Variants in ZFHX4 observed in about 807,000 individuals in gnomAD.
ZFHX4 encodes the protein zinc finger homeobox protein 4.
A neutral mutation model predicts 267.6 loss-of-function variants in ZFHX4; 56 were observed. That is an observed-to-expected ratio of 0.21 (90% CI 0.17 to 0.26). ZFHX4 has a LOEUF of 0.26. ZFHX4 is among the 10% of genes least tolerant of loss of function. ZFHX4 has a pLI of 1.00. For synonymous variants in ZFHX4, 1,778 were observed against 1,665.6 expected (o/e 1.07, Z -1.64); for missense variants, 4,332 against 4,420.0 (o/e 0.98, Z 0.56).
Position 76,864,281 on chromosome 8 carries a change from A to G in ZFHX4, c.10567A>G (p.Met3523Val), listed in dbSNP as rs761284690. Residue 3523 changes from methionine to valine, a missense_variant, in exon 11 of 11, where the codon ATG becomes GTG. Met to Val is a conservative substitution (Grantham distance 21). Coordinates refer to ENST00000651372, the MANE Select transcript of ZFHX4 (RefSeq NM_024721.5). ...NTYPHLSCFS[M>V]KSWPNILFQA... is the part of the protein sequence containing the mutation. ...CTATCCTCATCTTTCTTGCTTCTCC[A>G]TGAAGTCCTGGCCTAATATCCTTTT... 7 of 1,613,876 alleles carry G rather than the reference A, an allele frequency of 4.3e-6. No individual in the cohort carries two copies. Among genetic ancestry groups the G allele is most frequent in the South Asian group, 2.2e-5 (2 of 91,082 alleles).
intron 5 of ZFHX4, among the ~76,000 whole-genome samples, 167 bp from the exon 6 acceptor site, chr8:76,842,488 T>C (rs1294927278): frequency 6.6e-6 from 1 of 152,210 alleles, no homozygotes; most frequent in Non-Finnish European, 1.5e-5. Context: ...ATTGGTACAG[T>C]CAGCATGATC....
At chr8:76,745,976 T>TA (rs1198379572) in intron 3 of ZFHX4, among the ~76,000 whole-genome samples, 1 of 152,240 alleles carries the variant, frequency 6.6e-6, no homozygotes, top group African/African-American at 2.4e-5. Flanking sequence ...ACAGCATTGC[T>TA]AGTGTACAGG....
chr8:76,719,590 A>G (rs1281601415), intron 3 of ZFHX4, among the ~76,000 whole-genome samples: 2 of 152,126 alleles, frequency 1.3e-5, no homozygotes, highest in Non-Finnish European at 2.9e-5. Flanking sequence ...TTTAGTACTA[A>G]GTATTTTTAA....
At chr8:76,763,909 C>A (rs779491654) in intron 3 of ZFHX4, among the ~76,000 whole-genome samples, 1 of 152,108 alleles carries the variant, frequency 6.6e-6, no homozygotes, top group Non-Finnish European at 1.5e-5. Flanking sequence ...AGATATACAT[C>A]ATTGGATATG....
At position 76,704,347 on chromosome 8, in the gene ZFHX4, ACTT is replaced by A; in HGVS notation, c.263_265del (p.Ser88del). 4.3e-6 allele frequency: 7 copies of A among 1,614,000 alleles called. No homozygotes were observed. Among genetic ancestry groups the A allele is most frequent in the Non-Finnish European group, 5.1e-6 (6 of 1,179,896 alleles). ...GGAGATACCCTGCAACGAATGTGCC[ACTT>A]CTTTTCCCAGTTTACAGAAATACAT... On this transcript the variant is annotated inframe_deletion, in exon 2 of 11. Transcript: ENST00000651372.
At chr8:76,807,576 C>T (rs1230330256) in intron 4 of ZFHX4, among the ~76,000 whole-genome samples, 2 of 152,036 alleles carry the variant, frequency 1.3e-5, no homozygotes, top group Admixed American at 1.3e-4. Flanking sequence ...GTAGTATAGG[C>T]TGGGGACATT....
rs541303834 is a variant in ZFHX4 at position 76,816,842 on chromosome 8, C to T, written c.3326-16496C>T. 1.1e-4 allele frequency among the ~76,000 whole-genome samples: 17 copies of T among 152,026 alleles called. No individual in the cohort carries two copies. In the East Asian group the frequency reaches 1.7e-3, roughly 16 times the overall value. ...AACTCCTGACCTCAGGTGATCTGCC[C>T]GCCTTGGCCTCTCAAAATGCTGGGA... is the stretch of plus-strand genomic sequence containing the variant. On this transcript the variant is annotated intron_variant, in intron 4 of 10. Coordinates refer to ENST00000651372, the MANE Select transcript of ZFHX4 (RefSeq NM_024721.5).
At chr8:76,686,687 G>A (rs1807700603) in intron 1 of ZFHX4, among the ~76,000 whole-genome samples, 1 of 152,136 alleles carries the variant, frequency 6.6e-6, no homozygotes. Flanking sequence ...CAATGTCAAT[G>A]AGAACAAATT....
intron 3 of ZFHX4, among the ~76,000 whole-genome samples, chr8:76,741,531 C>T (rs986313838): frequency 2.0e-5 from 3 of 152,266 alleles, no homozygotes; most frequent in Admixed American, 1.3e-4. Context: ...ACTAAGACAA[C>T]TAGAATGAGT....
intron 1 of ZFHX4, among the ~76,000 whole-genome samples, chr8:76,689,189 G>A (rs1008773268): frequency 6.6e-6 from 1 of 152,060 alleles, no homozygotes; most frequent in South Asian, 2.1e-4. Flanking sequence ...TTTACATGCA[G>A]AAGGGCTTAT....
intron 4 of ZFHX4, among the ~76,000 whole-genome samples, chr8:76,824,907 G>T (rs1811745370): frequency 1.3e-5 from 2 of 152,070 alleles, no homozygotes; most frequent in African/African-American, 4.8e-5. Flanking sequence ...TTTACAAATT[G>T]ATACACATAC....
intron 3 of ZFHX4, among the ~76,000 whole-genome samples, chr8:76,747,863 C>T (rs1380191743): frequency 4.6e-5 from 7 of 151,980 alleles, no homozygotes; most frequent in African/African-American, 1.2e-4. Context: ...ACCTGGGAGG[C>T]GGAGGTTGCA....
At chr8:76,813,014 C>G (rs903933484) in intron 4 of ZFHX4, among the ~76,000 whole-genome samples, 2 of 152,044 alleles carry the variant, frequency 1.3e-5, no homozygotes, top group Non-Finnish European at 2.9e-5. Context: ...ATTTAAAAGC[C>G]TCAATTTTTA....
chr8:76,825,483 C>G (rs1309366503), intron 4 of ZFHX4, among the ~76,000 whole-genome samples: 1 of 152,234 alleles, frequency 6.6e-6, no homozygotes, highest in African/African-American at 2.4e-5. Context: ...CTTCTTTGAA[C>G]AACGTAGGTT....
chr8:76,692,912 G>A (rs551261017), intron 1 of ZFHX4, among the ~76,000 whole-genome samples: 1 of 152,124 alleles, frequency 6.6e-6, no homozygotes, highest in South Asian at 2.1e-4. Flanking sequence ...CCTATGTTCT[G>A]GTCATTTATA....
chr8:76,760,169 G>A (rs1809872237), intron 3 of ZFHX4, among the ~76,000 whole-genome samples: 1 of 151,836 alleles, frequency 6.6e-6, no homozygotes, highest in South Asian at 2.1e-4. Context: ...TTTCTCCTAA[G>A]ACCTTTTCTT....
Position 76,705,579 on chromosome 8 carries a change from C to T in ZFHX4, c.1491C>T (p.Asn497=). 5 of 1,613,646 alleles carry T rather than the reference C, an allele frequency of 3.1e-6. No homozygotes were observed. The highest frequency in any genetic ancestry group is 4.2e-6 in the Non-Finnish European group (5 of 1,179,738). The change falls in exon 2 of 11, where the codon AAC becomes AAT. Residue 497 remains asparagine (N), a synonymous_variant. Transcript: ENST00000651372. ...GTGAACTCACCGATAGTATTGGTAA[C>T]AAAGATTTCCCTCTCTTAAACCAAA... is the stretch of plus-strand genomic sequence containing the variant. The part of the protein sequence containing the change: ...VLGELTDSIG[N]KDFPLLNQSI...
rs560602132 is a variant in ZFHX4, at chr8:76,771,233, C to G, written c.3094-6975C>G. Reference sequence around the variant, plus strand: ...ACCTGCTTCATTTCTCTTCACAGCCCTTATACTACCTGAAATTATGTACTT... The same window carrying G: ...ACCTGCTTCATTTCTCTTCACAGCCGTTATACTACCTGAAATTATGTACTT... On this transcript the variant is annotated intron_variant, in intron 3 of 10. Coordinates refer to ENST00000651372, the MANE Select transcript of ZFHX4 (RefSeq NM_024721.5). Among the ~76,000 whole-genome samples, 3 of 152,170 alleles carry G rather than the reference C, an allele frequency of 2.0e-5. No individual in the cohort carries two copies. The South Asian group carries it at 6.2e-4, about 32-fold the overall frequency.
chr8:76,703,950 A>G (rs1808171483), intron 1 of ZFHX4, 93 bp from the exon 2 acceptor site: 2 of 898,808 alleles, frequency 2.2e-6, no homozygotes, highest in Non-Finnish European at 3.3e-6. Context: ...TTAGATAGTC[A>G]CGTTTACAGC....
Sources: gnomAD v4.1 joint callset for allele counts (sites outside exome capture counted in the v4.1 genomes callset) on GRCh38, gnomAD v4.1.1 for gene constraint, MANE v1.5 for transcripts, NCBI Gene and HGNC (gene_info 2026-07-23, HGNC 2026-07-21) for gene names.